C2orf42: variants seen among roughly 807,000 people sequenced by gnomAD.
C2orf42 encodes the protein uncharacterized protein C2orf42.
A neutral mutation model predicts 58.9 loss-of-function variants in C2orf42; 44 were observed. The ratio of observed to expected loss-of-function variants is 0.75; its 90% CI spans 0.59 to 0.96. The LOEUF (loss-of-function observed/expected upper bound fraction) is 0.96, where lower values mean the gene tolerates loss of function less well. C2orf42 is among the 40% of genes least tolerant of loss of function. The pLI, the probability that C2orf42 is intolerant of heterozygous loss-of-function variation, is 0.00. For missense variants in C2orf42, 630 were observed against 699.2 expected (o/e 0.90, Z 1.12); for synonymous variants, 239 against 265.4 (o/e 0.90, Z 0.97).
Position 70,150,482 on chromosome 2 carries a change from G to C in C2orf42, c.1599C>G (p.Gly533=). 1.2e-6 allele frequency: 2 copies of C among 1,613,504 alleles called. No homozygotes were observed. The highest frequency in any genetic ancestry group is 1.7e-6 in the Non-Finnish European group (2 of 1,179,468). ...CATACTCAAACTTGATCCGCAGCTC[G>C]CCAATCTTAGATTGGGGAAGGATAT... is the stretch of plus-strand genomic sequence containing the variant. ...IPDILPQSKI[G]ELRIKFEYGH... is the part of the protein sequence containing the mutation. Residue 533 remains glycine (G), a synonymous_variant, in exon 10 of 10, where the codon GGC becomes GGG. Coordinates refer to ENST00000264434, the MANE Select transcript of C2orf42 (RefSeq NM_017880.3).
chr2:70,151,072 C>A (rs995601543), intron 9 of C2orf42, among the ~76,000 whole-genome samples: 1 of 152,158 alleles, frequency 6.6e-6, no homozygotes, highest in African/African-American at 2.4e-5. Context: ...TATATTTAGG[C>A]CAGGCATGGT....
intron 9 of C2orf42, among the ~76,000 whole-genome samples, chr2:70,156,095 C>T (rs1009323780): frequency 3.3e-5 from 5 of 151,878 alleles, no homozygotes; most frequent in Admixed American, 6.6e-5. Context: ...GCGGAGGTTG[C>T]GGTGAGCCGA....
At chr2:70,157,770 C>T (rs1440226257) in intron 9 of C2orf42, among the ~76,000 whole-genome samples, 2 of 152,106 alleles carry the variant, frequency 1.3e-5, no homozygotes, top group African/African-American at 4.8e-5. Context: ...GCACTCCCGC[C>T]TGGGTGACAG....
intron 8 of C2orf42, among the ~76,000 whole-genome samples, chr2:70,163,080 C>T (rs1673163497): frequency 6.6e-6 from 1 of 151,608 alleles, no homozygotes. Context: ...GTTGGCCAGG[C>T]TGGTCTCAAA....
At position 70,181,808 on chromosome 2, in the gene C2orf42, T is replaced by G. The variant is rs756563129; in HGVS notation, c.178A>C (p.Ser60Arg). Residue 60 changes from serine (S) to arginine (R), a missense_variant, in exon 3 of 10, where the codon AGT (serine) becomes CGT (arginine). Transcript: ENST00000264434. ...GTAATGATTTTGACAGCTTCAACACTAGGCTGCTTGCGTGCACCGTAGCGG... is the reference window on the plus strand; with the variant it reads ...GTAATGATTTTGACAGCTTCAACACGAGGCTGCTTGCGTGCACCGTAGCGG... ...IFRYGARKQP[S>R]VEAVKIITGS... 2.5e-6 allele frequency: 4 copies of G among 1,614,036 alleles called. No homozygotes were observed. Among genetic ancestry groups the G allele is most frequent in the Non-Finnish European group, 3.4e-6 (4 of 1,180,018 alleles).
Position 70,186,300 on chromosome 2 carries a change from G to A in C2orf42, c.-281-3365C>T, listed in dbSNP as rs575084587. 8.6e-5 allele frequency among the ~76,000 whole-genome samples: 13 copies of A among 150,468 alleles called. 1 individual carries two copies. In the South Asian group the frequency reaches 2.1e-3, roughly 25 times the overall value. ...AAGCTACGATACGACATATATATAC[G>A]TATATGTATATATACACACACACAC... is the stretch of plus-strand genomic sequence containing the variant. On this transcript the variant is annotated intron_variant, in intron 1 of 9. Coordinates refer to ENST00000264434, the MANE Select transcript of C2orf42 (RefSeq NM_017880.3).
chr2:70,181,275 G>A lies in C2orf42; in HGVS notation c.711C>T (p.Ser237=). Residue 237 remains serine (S), a synonymous_variant, in exon 3 of 10, where the codon TCC becomes TCT. Coordinates refer to ENST00000264434, the MANE Select transcript of C2orf42 (RefSeq NM_017880.3). The part of the protein sequence containing the change: ...QTLKSHKSNA[S]KDETAQRCIH... ...TGCATCTCTGGGCTGTCTCATCCTT[G>A]GAGGCATTTGACTTGTGCGATTTCA... 1 of 1,613,606 alleles carries A rather than the reference G, an allele frequency of 6.2e-7. No homozygotes were observed.
At chr2:70,182,107 T>TC (rs1057020320) in intron 2 of C2orf42, 110 bp from the exon 3 acceptor site, 50 of 243,940 alleles carry the variant, frequency 2.0e-4, no homozygotes, top group Non-Finnish European at 3.7e-4. Context: ...CTATCTACTA[T>TC]TTTTTTTTTT....
intron 5 of C2orf42, among the ~76,000 whole-genome samples, chr2:70,173,507 C>A (rs1376884943): frequency 6.6e-6 from 1 of 152,118 alleles, no homozygotes; most frequent in African/African-American, 2.4e-5. Flanking sequence ...AAACTCCTGA[C>A]CTCAAGTGAT....
intron 5 of C2orf42, among the ~76,000 whole-genome samples, chr2:70,173,418 C>T (rs1187108522): frequency 6.6e-6 from 1 of 151,540 alleles, no homozygotes; most frequent in Non-Finnish European, 1.5e-5. Flanking sequence ...GGATTACAGG[C>T]ACATGCCACC....
chr2:70,176,375 G>A (rs938976986), intron 4 of C2orf42, among the ~76,000 whole-genome samples: 1 of 151,986 alleles, frequency 6.6e-6, no homozygotes, highest in African/African-American at 2.4e-5. Context: ...GCGGTGGCAG[G>A]TGCCTGTAGT....
At position 70,163,919 on chromosome 2, in the gene C2orf42, C is replaced by T. The variant is rs530282854; in HGVS notation, c.1353+1173G>A. ...AAGAGGCAGATTACACCTGTAATCA[C>T]AGTACTTTGGGAGGCCAAGATGGGA... On this transcript the variant is annotated intron_variant, in intron 8 of 9. Coordinates refer to ENST00000264434, the MANE Select transcript of C2orf42 (RefSeq NM_017880.3). Among the ~76,000 whole-genome samples, 22 of 151,158 alleles carry T rather than the reference C, an allele frequency of 1.5e-4. No homozygotes were observed. The South Asian group carries it at 2.5e-3, about 17-fold the overall frequency.
At chr2:70,155,665 T>G (rs1284537256) in intron 9 of C2orf42, among the ~76,000 whole-genome samples, 1 of 151,250 alleles carries the variant, frequency 6.6e-6, no homozygotes, top group African/African-American at 2.4e-5. Context: ...CCAGGCGTGG[T>G]GGCGGGTGCC....
Position 70,175,673 on chromosome 2 carries a change from C to A in C2orf42, c.1039G>T (p.Ala347Ser), listed in dbSNP as rs1351397054. The A allele has an allele frequency of 1.3e-6, 2 of 1,591,204 alleles. No homozygotes were observed. Among genetic ancestry groups the A allele is most frequent in the South Asian group, 2.2e-5 (2 of 90,642 alleles). ...PVVASSLKRQ[A>S]CGQLLDEAQV... ...CCTATTCTAGGGAAGGGAAACTTAC[C>A]CTGCCTTTTTAACGAGGAAGCAACC... The change falls in exon 5 of 10, where the codon GCC (alanine) becomes TCC (serine). Residue 347 changes from alanine (A) to serine (S), a missense_variant and splice_region_variant. By Grantham distance (99) the Ala-to-Ser change is moderately conservative. Coordinates refer to ENST00000264434, the MANE Select transcript of C2orf42 (RefSeq NM_017880.3).
chr2:70,175,853 T>C, intron 4 of C2orf42, 76 bp from the exon 5 acceptor site: 1 of 913,170 alleles, frequency 1.1e-6, no homozygotes, highest in Non-Finnish European at 1.8e-6. Flanking sequence ...TTTTAGAGTC[T>C]AAAACATATA....
In C2orf42 at chr2:70,188,031, A is replaced by T. The variant is rs558634499; in HGVS notation, c.-282+2942T>A. Among the ~76,000 whole-genome samples the T allele has an allele frequency of 2.0e-5, 3 of 152,198 alleles. No homozygotes were observed. The East Asian group carries it at 5.8e-4, about 29-fold the overall frequency. On this transcript the variant is annotated intron_variant, in intron 1 of 9. Coordinates refer to ENST00000264434, the MANE Select transcript of C2orf42 (RefSeq NM_017880.3). Reference sequence around the variant, plus strand: ...TAGGAAAGCTAAAGACAGTACAGAGACTTCCTACCTACCTTTCACACAGAC... The same window carrying T: ...TAGGAAAGCTAAAGACAGTACAGAGTCTTCCTACCTACCTTTCACACAGAC...
intron 6 of C2orf42, among the ~76,000 whole-genome samples, chr2:70,166,811 G>T (rs928166756): frequency 6.6e-6 from 1 of 152,122 alleles, no homozygotes. Context: ...GGTATGCGAA[G>T]TAAGATGGGA....
At chr2:70,186,190 A>G (rs910488758) in intron 1 of C2orf42, among the ~76,000 whole-genome samples, 2 of 151,996 alleles carry the variant, frequency 1.3e-5, no homozygotes, top group African/African-American at 4.8e-5. Context: ...AAGTCAAAAC[A>G]TGAAGGATCA....
intron 1 of C2orf42, among the ~76,000 whole-genome samples, chr2:70,183,591 G>A (rs1193987159): frequency 2.0e-5 from 3 of 151,410 alleles, no homozygotes; most frequent in East Asian, 3.9e-4. Context: ...CACCATGCCC[G>A]GCTAATTTTT....
Sources: gnomAD v4.1 joint callset for allele counts (sites outside exome capture counted in the v4.1 genomes callset) on GRCh38, gnomAD v4.1.1 for gene constraint, MANE v1.5 for transcripts, NCBI Gene and HGNC (gene_info 2026-07-23, HGNC 2026-07-21) for gene names.